TAFA1: variants seen among roughly 807,000 people sequenced by gnomAD.
TAFA1 encodes the protein TAFA chemokine like family member 1, also known as chemokine-like protein TAFA-1.
A neutral mutation model predicts 18.5 loss-of-function variants in TAFA1; 4 were observed. That is an observed-to-expected ratio of 0.22 (90% CI 0.11 to 0.49). TAFA1 has a LOEUF of 0.49. Ranked by LOEUF, TAFA1 falls within the 20% of genes least tolerant of loss-of-function variation. TAFA1 has a pLI of 0.98. For synonymous variants in TAFA1, 56 were observed against 55.2 expected (o/e 1.01, Z -0.06); for missense variants, 147 against 169.0 (o/e 0.87, Z 0.72).
chr3:68,059,421 A>G (rs192219479), intron 2 of TAFA1, among the ~76,000 whole-genome samples: 4 of 152,312 alleles, frequency 2.6e-5, no homozygotes, highest in Admixed American at 6.5e-5. Context: ...CAGAGTTAGT[A>G]AATGGCAGAG....
intron 2 of TAFA1, among the ~76,000 whole-genome samples, chr3:68,307,921 A>C (rs1201213407): frequency 1.3e-5 from 2 of 152,144 alleles, no homozygotes; most frequent in Non-Finnish European, 2.9e-5. Flanking sequence ...ACTGGTTTCT[A>C]ATATGACTGT....
Position 68,513,923 on chromosome 3 carries a change from C to T in TAFA1, c.260-24833C>T, listed in dbSNP as rs2072884189. On this transcript the variant is annotated intron_variant, in intron 3 of 4. Transcript: ENST00000478136. ...TTTCCAGGGTACCATAACAAAATAC[C>T]AAATGGGGTGGCTTATAAACAACGT... 2.0e-5 allele frequency among the ~76,000 whole-genome samples: 3 copies of T among 152,084 alleles called. No homozygotes were observed. In the South Asian group the frequency reaches 6.2e-4, roughly 32 times the overall value.
At chr3:68,317,038 G>T (rs1039241426) in intron 2 of TAFA1, among the ~76,000 whole-genome samples, 1 of 151,974 alleles carries the variant, frequency 6.6e-6, no homozygotes, top group Non-Finnish European at 1.5e-5. Flanking sequence ...AGAATAGCTG[G>T]TACAGGATAA....
At chr3:68,447,284 A>G (rs2071485789) in intron 3 of TAFA1, among the ~76,000 whole-genome samples, 1 of 152,148 alleles carries the variant, frequency 6.6e-6, no homozygotes, top group Non-Finnish European at 1.5e-5. Context: ...AACTAAAAGA[A>G]CTTTCTCGAG....
intron 3 of TAFA1, among the ~76,000 whole-genome samples, chr3:68,431,537 C>T (rs1395467429): frequency 6.6e-6 from 1 of 152,004 alleles, no homozygotes; most frequent in East Asian, 1.9e-4. Context: ...TGATAAGGGG[C>T]TTGCCCAGGG....
At chr3:68,490,525 A>G (rs1318499288) in intron 3 of TAFA1, among the ~76,000 whole-genome samples, 1 of 152,164 alleles carries the variant, frequency 6.6e-6, no homozygotes, top group Non-Finnish European at 1.5e-5. Flanking sequence ...ATATGCTTCA[A>G]GCAAGACAAC....
At chr3:68,495,371 A>G (rs1320326922) in intron 3 of TAFA1, among the ~76,000 whole-genome samples, 1 of 152,228 alleles carries the variant, frequency 6.6e-6, no homozygotes, top group East Asian at 1.9e-4. Flanking sequence ...GCAGGTTGGC[A>G]AAATCATTTA....
intron 2 of TAFA1, among the ~76,000 whole-genome samples, chr3:68,225,217 C>A (rs571538539): frequency 3.4e-4 from 51 of 151,908 alleles, no homozygotes; most frequent in Non-Finnish European, 8.8e-5. Flanking sequence ...TGGCTCATGG[C>A]ACTTTATTAC....
intron 2 of TAFA1, among the ~76,000 whole-genome samples, chr3:68,300,045 G>A (rs575100771): frequency 5.3e-5 from 8 of 152,332 alleles, no homozygotes; most frequent in South Asian, 2.1e-4. Flanking sequence ...GAGTCCCCAC[G>A]GGGGCACTGT....
chr3:68,212,880 A>G (rs1266758797), intron 2 of TAFA1, among the ~76,000 whole-genome samples: 1 of 152,026 alleles, frequency 6.6e-6, no homozygotes, highest in African/African-American at 2.4e-5. Context: ...GTTGAATCAC[A>G]CACTAAGCTG....
chr3:68,086,589 C>G (rs1362513966), intron 2 of TAFA1, among the ~76,000 whole-genome samples: 2 of 152,056 alleles, frequency 1.3e-5, no homozygotes, highest in Non-Finnish European at 2.9e-5. Flanking sequence ...TTTTAAAATC[C>G]ATGTCTGAAT....
chr3:68,011,297 C>T (rs911144259), intron 2 of TAFA1, among the ~76,000 whole-genome samples: 1 of 151,998 alleles, frequency 6.6e-6, no homozygotes, highest in African/African-American at 2.4e-5. Flanking sequence ...ATTCCTGAGT[C>T]ACTGCTATTT....
intron 2 of TAFA1, among the ~76,000 whole-genome samples, chr3:68,309,836 T>C (rs796689070): frequency 2.7e-4 from 41 of 152,320 alleles, no homozygotes; most frequent in African/African-American, 9.4e-4. Flanking sequence ...ATACTTCACT[T>C]CCTTGGTGTT....
chr3:68,504,627 A>G (rs1358846092), intron 3 of TAFA1, among the ~76,000 whole-genome samples: 1 of 152,194 alleles, frequency 6.6e-6, no homozygotes, highest in African/African-American at 2.4e-5. Context: ...CCCTTAATAC[A>G]GAAAAGGAAT....
At chr3:68,519,274 G>T (rs1272872501) in intron 3 of TAFA1, among the ~76,000 whole-genome samples, 1 of 152,184 alleles carries the variant, frequency 6.6e-6, no homozygotes, top group African/African-American at 2.4e-5. Flanking sequence ...GCCATGTAAG[G>T]ATACAATGAG....
At chr3:68,355,282 G>A (rs941519725) in intron 2 of TAFA1, among the ~76,000 whole-genome samples, 3 of 151,890 alleles carry the variant, frequency 2.0e-5, no homozygotes, top group Non-Finnish European at 4.4e-5. Flanking sequence ...CTGGGCTTGG[G>A]AAGCCAGGTT....
chr3:68,350,633 T>C (rs2069250300), intron 2 of TAFA1, among the ~76,000 whole-genome samples: 1 of 152,158 alleles, frequency 6.6e-6, no homozygotes, highest in Admixed American at 6.6e-5. Flanking sequence ...GTTTGTTTAT[T>C]GGATGTAATT....
At position 68,271,965 on chromosome 3, in the gene TAFA1, T is replaced by C. The variant is rs553478465; in HGVS notation, c.119-145315T>C. ...AATATGGTTAAGTGATTTTCAAGTA[T>C]ACAGTGATTTGCACTGTGTAACTAT... On this transcript the variant is annotated intron_variant, in intron 2 of 4. Coordinates refer to ENST00000478136, the MANE Select transcript of TAFA1 (RefSeq NM_213609.4). Among the ~76,000 whole-genome samples the C allele has an allele frequency of 2.4e-4, 37 of 152,284 alleles. No individual in the cohort carries two copies. In the South Asian group the frequency reaches 7.5e-3, roughly 31 times the overall value.
chr3:68,066,616 G>T (rs990465492), intron 2 of TAFA1, among the ~76,000 whole-genome samples: 8 of 152,196 alleles, frequency 5.3e-5, no homozygotes, highest in Non-Finnish European at 1.2e-4. Flanking sequence ...GGTAGAAGGA[G>T]AATTCAACTG....
Sources: gnomAD v4.1 joint callset for allele counts (sites outside exome capture counted in the v4.1 genomes callset) on GRCh38, gnomAD v4.1.1 for gene constraint, MANE v1.5 for transcripts, NCBI Gene and HGNC (gene_info 2026-07-23, HGNC 2026-07-21) for gene names.